ZNF652: variants seen among roughly 807,000 people sequenced by gnomAD.
ZNF652 encodes zinc finger protein 652.
A neutral mutation model predicts 45.2 loss-of-function variants in ZNF652; 16 were observed. The ratio of observed to expected loss-of-function variants is 0.35; its 90% CI spans 0.24 to 0.54. ZNF652 has a LOEUF of 0.54. ZNF652 is among the 20% of genes least tolerant of loss of function. The pLI is 0.91. For missense variants in ZNF652, 614 were observed against 765.6 expected (o/e 0.80, Z 2.34); for synonymous variants, 250 against 260.6 (o/e 0.96, Z 0.39).
chr17:49,333,061 T>TA (rs2143854588), intron 1 of ZNF652, among the ~76,000 whole-genome samples: 1 of 151,622 alleles, frequency 6.6e-6, no homozygotes, highest in African/African-American at 2.4e-5. Flanking sequence ...TAAAATAAAA[T>TA]AATTTTTTTT....
intron 1 of ZNF652, among the ~76,000 whole-genome samples, chr17:49,346,437 G>A (rs1026449217): frequency 2.0e-5 from 3 of 152,194 alleles, no homozygotes; most frequent in African/African-American, 7.2e-5. Flanking sequence ...TGTAATCCCA[G>A]CTACTTGGGA....
chr17:49,345,110 C>G (rs2070190429), intron 1 of ZNF652, among the ~76,000 whole-genome samples: 1 of 152,046 alleles, frequency 6.6e-6, no homozygotes, highest in Non-Finnish European at 1.5e-5. Context: ...CTGCTATGCG[C>G]TCTTCTCCCT....
At chr17:49,353,042 T>A (rs1260874353) in intron 1 of ZNF652, among the ~76,000 whole-genome samples, 1 of 152,116 alleles carries the variant, frequency 6.6e-6, no homozygotes, top group African/African-American at 2.4e-5. Flanking sequence ...CTGGCTGTGG[T>A]GGTGGTGGTG....
chr17:49,313,806 C>G (rs956615111), intron 2 of ZNF652, among the ~76,000 whole-genome samples: 3 of 151,008 alleles, frequency 2.0e-5, no homozygotes, highest in Non-Finnish European at 4.4e-5. Context: ...AACCCCATCT[C>G]TACTAAAAAT....
intron 1 of ZNF652, among the ~76,000 whole-genome samples, chr17:49,334,018 T>C (rs2070055009): frequency 6.6e-6 from 1 of 152,006 alleles, no homozygotes; most frequent in Admixed American, 6.6e-5. Context: ...GCAATTCCAG[T>C]TCCAGGCATA....
At chr17:49,315,030 G>A (rs546386577) in intron 2 of ZNF652, among the ~76,000 whole-genome samples, 1 of 143,056 alleles carries the variant, frequency 7.0e-6, no homozygotes, top group East Asian at 2.2e-4. Context: ...CCTTAGGGGA[G>A]GGTTTTAGTT....
intron 1 of ZNF652, among the ~76,000 whole-genome samples, chr17:49,358,878 C>A (rs1438093209): frequency 6.6e-6 from 1 of 152,106 alleles, no homozygotes; most frequent in Admixed American, 6.6e-5. Context: ...GTTGGAGAAA[C>A]TAAAGCAAGC....
At chr17:49,300,745 CG>C (rs2069541687) in intron 5 of ZNF652, among the ~76,000 whole-genome samples, 1 of 152,280 alleles carries the variant, frequency 6.6e-6, no homozygotes, top group African/African-American at 2.4e-5. Flanking sequence ...CTTCTCTCAA[CG>C]AATGTGTTTA....
chr17:49,361,469 G>C (rs1271906316), intron 1 of ZNF652, among the ~76,000 whole-genome samples: 2 of 152,162 alleles, frequency 1.3e-5, no homozygotes, highest in Non-Finnish European at 2.9e-5. Flanking sequence ...CAATACTCCC[G>C]GGGGTTGGAG....
intron 1 of ZNF652, among the ~76,000 whole-genome samples, chr17:49,340,218 C>T (rs1298795051): frequency 6.6e-6 from 1 of 152,064 alleles, no homozygotes; most frequent in Non-Finnish European, 1.5e-5. Flanking sequence ...ATTTTGAGAC[C>T]AGCTTGGCCG....
intron 1 of ZNF652, among the ~76,000 whole-genome samples, chr17:49,347,740 GTTTTTTTTTTT>G (rs1181401090): frequency 1.2e-5 from 1 of 81,216 alleles, no homozygotes; most frequent in Non-Finnish European, 2.6e-5. Context: ...CCTTGGTTTT[GTTTTTTTTTTT>G]TTTTTTTTTT....
At chr17:49,306,395 C>T (rs191662081) in intron 5 of ZNF652, among the ~76,000 whole-genome samples, 2 of 152,268 alleles carry the variant, frequency 1.3e-5, no homozygotes, top group East Asian at 1.9e-4. Context: ...ATCAAATCAG[C>T]AAGGATTTTA....
In ZNF652 at chr17:49,349,571, C is replaced by A. The variant is rs149578244; in HGVS notation, c.-259+12338G>T. ...CAGTAGCTTTTTCTCCTTCAAGAATCACTAAATACTTAAATTTTCTCAGAG... is the reference window on the plus strand; with the variant it reads ...CAGTAGCTTTTTCTCCTTCAAGAATAACTAAATACTTAAATTTTCTCAGAG... On this transcript the variant is annotated intron_variant, in intron 1 of 5. Coordinates refer to ENST00000430262, the MANE Select transcript of ZNF652 (RefSeq NM_001145365.3). 4.4e-3 allele frequency among the ~76,000 whole-genome samples: 677 copies of A among 152,292 alleles called. 4 individuals are homozygous for A. Among genetic ancestry groups the A allele is most frequent in the African/African-American group, 0.014 (591 of 41,560 alleles).
At position 49,295,496 on chromosome 17, in the gene ZNF652, C is replaced by T. The variant is rs915878433; in HGVS notation, c.*2917G>A. The T allele has an allele frequency of 5.9e-5, 9 of 152,172 alleles. No homozygotes were observed. The highest frequency in any genetic ancestry group is 2.2e-4 in the African/African-American group (9 of 41,352). The allele number at this position is 152,172 out of a possible 1,614,324, so 9.4% of individuals were successfully genotyped here. A position where few individuals can be genotyped will look rare whatever the true frequency, so the allele number is the denominator to read the frequency against. On this transcript the variant is annotated 3_prime_UTR_variant, in exon 6 of 6. Coordinates refer to ENST00000430262, the MANE Select transcript of ZNF652 (RefSeq NM_001145365.3). The stretch of plus-strand genomic sequence containing the variant: ...GGTTTTCCTGTATAGCAGATATTTT[C>T]TTATGGCTATATTTACTTGAATGAA...
intron 2 of ZNF652, among the ~76,000 whole-genome samples, chr17:49,315,510 C>A (rs1328388508): frequency 6.7e-6 from 1 of 149,590 alleles, no homozygotes. Flanking sequence ...GAAAGTCACA[C>A]ACAAAAAGTA....
rs535357327 is a variant in ZNF652 at position 49,348,583 on chromosome 17, G to A, written c.-259+13326C>T. On this transcript the variant is annotated intron_variant, in intron 1 of 5. Transcript: ENST00000430262. ...AGGAATGGAGAGGCAAAGGGGGAGG[G>A]GAGAGAAAGAAAACAAACCTACCCA... Among the ~76,000 whole-genome samples the A allele has an allele frequency of 2.9e-4, 44 of 151,750 alleles. No individual in the cohort carries two copies. The South Asian group carries it at 7.9e-3, about 27-fold the overall frequency.
At chr17:49,312,159 CTTTTTTTTTTTT>C (rs34553823) in intron 3 of ZNF652, 117 bp from the exon 4 acceptor site, 41 of 139,092 alleles carry the variant, frequency 2.9e-4, no homozygotes, top group South Asian at 1.6e-3. Context: ...ATTTGTGAGG[CTTTTTTTTTTTT>C]TTTTTTTTTT....
chr17:49,327,735 ATATATATATAT>A (rs1567690317), intron 1 of ZNF652, among the ~76,000 whole-genome samples: 12 of 4,924 alleles, frequency 2.4e-3, no homozygotes, highest in African/African-American at 9.3e-3. Context: ...AAATAAATAT[ATATATATATAT>A]ATATATATAT....
chr17:49,299,385 T>G (rs923803337), intron 5 of ZNF652, among the ~76,000 whole-genome samples: 2 of 152,090 alleles, frequency 1.3e-5, no homozygotes, highest in Admixed American at 1.3e-4. Flanking sequence ...TTTTTTTTCT[T>G]TTTTAGTTTT....
Sources: gnomAD v4.1 joint callset for allele counts (sites outside exome capture counted in the v4.1 genomes callset) on GRCh38, gnomAD v4.1.1 for gene constraint, MANE v1.5 for transcripts, NCBI Gene and HGNC (gene_info 2026-07-23, HGNC 2026-07-21) for gene names.